The following AKAP6 variants were observed in gnomAD, a reference collection of about 807,000 sequenced individuals.
The protein encoded by AKAP6 is A-kinase anchor protein 6.
In AKAP6, 58 loss-of-function variants were observed where a neutral mutation model predicts 188.5. That is an observed-to-expected ratio of 0.31 (90% CI 0.25 to 0.38). The LOEUF is 0.38. Ranked by LOEUF, AKAP6 falls within the 10% of genes least tolerant of loss-of-function variation. The pLI is 1.00. For synonymous variants in AKAP6, 989 were observed against 998.6 expected (o/e 0.99, Z 0.18); for missense variants, 2,710 against 2,740.0 (o/e 0.99, Z 0.24).
At position 32,823,121 on chromosome 14, in the gene AKAP6, A is replaced by G; in HGVS notation, c.5308A>G (p.Ile1770Val). The G allele has an allele frequency of 1.2e-6, 2 of 1,613,810 alleles. No homozygotes were observed. The highest frequency in any genetic ancestry group is 2.2e-5 in the East Asian group (1 of 44,856). ...TLTLTEEELCIKDEDDDSSIA... is the reference protein window; with the variant it reads ...TLTLTEEELCVKDEDDDSSIA... ...TACCTTGACTGAAGAAGAGCTGTGC[A>G]TCAAAGATGAGGATGACGACTCCAG... The change falls in exon 13 of 14, where the codon ATC becomes GTC. Residue 1770 changes from isoleucine to valine, a missense_variant. Coordinates refer to ENST00000280979, the MANE Select transcript of AKAP6 (RefSeq NM_004274.5).
intron 1 of AKAP6, among the ~76,000 whole-genome samples, chr14:32,358,185 G>A (rs1887544723): frequency 6.6e-6 from 1 of 152,210 alleles, no homozygotes; most frequent in African/African-American, 2.4e-5. Context: ...TGGCTCCACA[G>A]AGGGTATACC....
chr14:32,499,294 A>G (rs79510847), intron 2 of AKAP6, among the ~76,000 whole-genome samples: 2 of 148,164 alleles, frequency 1.3e-5, no homozygotes, highest in Admixed American at 6.9e-5. Context: ...CAACACAAAA[A>G]CTTAAAACAC....
intron 8 of AKAP6, among the ~76,000 whole-genome samples, chr14:32,695,059 T>C (rs17099449): frequency 0.04 from 6,055 of 152,330 alleles, 406 homozygotes; most frequent in African/African-American, 0.14. Context: ...ATCTGGGCTT[T>C]ACTTATTCAC....
At position 32,344,944 on chromosome 14, in the gene AKAP6, G is replaced by A. The variant is rs541682365; in HGVS notation, c.-35+15536G>A. ...AAAAAAAAAAAAAAAAAAAGAGAGA[G>A]AGTATATATAAGCAGAATGATGGTA... On this transcript the variant is annotated intron_variant, in intron 1 of 13. Transcript: ENST00000280979. 2.0e-5 allele frequency among the ~76,000 whole-genome samples: 3 copies of A among 150,512 alleles called. No homozygotes were observed. In the East Asian group the frequency reaches 5.8e-4, roughly 29 times the overall value.
intron 2 of AKAP6, among the ~76,000 whole-genome samples, chr14:32,447,036 G>T (rs1322572903): frequency 6.6e-6 from 1 of 152,020 alleles, no homozygotes; most frequent in Non-Finnish European, 1.5e-5. Flanking sequence ...TATGACCCCA[G>T]CTAGGCATCA....
intron 5 of AKAP6, among the ~76,000 whole-genome samples, chr14:32,578,660 A>G (rs796247602): frequency 6.1e-4 from 93 of 152,312 alleles, no homozygotes; most frequent in African/African-American, 2.2e-3. Context: ...TATGAACTTT[A>G]TTTCACATTA....
chr14:32,655,578 A>G (rs1888420650), intron 7 of AKAP6, among the ~76,000 whole-genome samples: 1 of 152,176 alleles, frequency 6.6e-6, no homozygotes, highest in African/African-American at 2.4e-5. Context: ...ATGAATAGAG[A>G]CATAGAATTG....
chr14:32,663,849 A>T (rs1393066390), intron 7 of AKAP6, among the ~76,000 whole-genome samples: 2 of 152,154 alleles, frequency 1.3e-5, no homozygotes, highest in African/African-American at 2.4e-5. Flanking sequence ...GATTTTGAGC[A>T]TAGCATCTAA....
At chr14:32,378,220 A>T (rs1888224155) in intron 1 of AKAP6, among the ~76,000 whole-genome samples, 2 of 152,202 alleles carry the variant, frequency 1.3e-5, no homozygotes, top group Non-Finnish European at 2.9e-5. Context: ...ATTTAGCATC[A>T]CTATAATAAT....
At chr14:32,509,827 G>A (rs1201715964) in intron 2 of AKAP6, among the ~76,000 whole-genome samples, 1 of 152,112 alleles carries the variant, frequency 6.6e-6, no homozygotes, top group East Asian at 1.9e-4. Flanking sequence ...TCTGCTGGCT[G>A]TTTATAGTCC....
intron 8 of AKAP6, among the ~76,000 whole-genome samples, chr14:32,685,717 T>C (rs1594846283): frequency 9.7e-6 from 1 of 103,198 alleles, no homozygotes; most frequent in African/African-American, 3.8e-5. Flanking sequence ...AGAGCGAGAC[T>C]CCATCTCAAA....
At chr14:32,828,567 ACACACT>A (rs1194506687) in intron 13 of AKAP6, among the ~76,000 whole-genome samples, 1 of 139,288 alleles carries the variant, frequency 7.2e-6, no homozygotes, top group Non-Finnish European at 1.6e-5. Context: ...ACACACACAC[ACACACT>A]CTCACACCCC....
intron 5 of AKAP6, among the ~76,000 whole-genome samples, chr14:32,585,154 GT>G (rs1885176360): frequency 6.6e-6 from 1 of 151,982 alleles, no homozygotes; most frequent in South Asian, 2.1e-4. Context: ...TCCTGAAATG[GT>G]AACTCTGATT....
chr14:32,728,849 A>G (rs1235875463), intron 9 of AKAP6, among the ~76,000 whole-genome samples: 2 of 152,104 alleles, frequency 1.3e-5, no homozygotes, highest in Non-Finnish European at 1.5e-5. Flanking sequence ...AAGTTTTATT[A>G]CAACAGCAGA....
intron 8 of AKAP6, among the ~76,000 whole-genome samples, chr14:32,683,128 G>A (rs1260911034): frequency 6.6e-6 from 1 of 151,884 alleles, no homozygotes; most frequent in African/African-American, 2.4e-5. Context: ...CAAGTGTCTG[G>A]GATTACAGGT....
At chr14:32,477,835 A>G (rs61982984) in intron 2 of AKAP6, among the ~76,000 whole-genome samples, 40,707 of 152,076 alleles carry the variant, frequency 0.27, 5,903 homozygotes, top group Non-Finnish European at 0.31. Context: ...GGTTACATAA[A>G]GCAGCTCACT....
At chr14:32,666,982 A>G (rs1888969262) in intron 7 of AKAP6, among the ~76,000 whole-genome samples, 1 of 152,126 alleles carries the variant, frequency 6.6e-6, no homozygotes, top group Non-Finnish European at 1.5e-5. Context: ...TTTATAATAA[A>G]AAGTGAAGTC....
At chr14:32,556,921 C>CT (rs1324773860) in intron 4 of AKAP6, among the ~76,000 whole-genome samples, 385 of 148,396 alleles carry the variant, frequency 2.6e-3, no homozygotes, top group African/African-American at 9.1e-3. Context: ...CTCTCTCTCT[C>CT]TTTTTTTTTT....
intron 1 of AKAP6, among the ~76,000 whole-genome samples, chr14:32,387,583 T>C (rs1302347484): frequency 6.6e-6 from 1 of 150,788 alleles, no homozygotes; most frequent in Non-Finnish European, 1.5e-5. Flanking sequence ...ATGCTTTTTC[T>C]GCATCTATTG....
Sources: gnomAD v4.1 joint callset for allele counts (sites outside exome capture counted in the v4.1 genomes callset) on GRCh38, gnomAD v4.1.1 for gene constraint, MANE v1.5 for transcripts, NCBI Gene and HGNC (gene_info 2026-07-23, HGNC 2026-07-21) for gene names.